The following NRXN3 variants were observed in gnomAD, a reference collection of about 807,000 sequenced individuals.
NRXN3 encodes the protein neurexin 3, also known as neurexin III.
Under a neutral mutation model 137.6 loss-of-function variants are expected in NRXN3, and 32 were observed. The ratio of observed to expected loss-of-function variants is 0.23; its 90% CI spans 0.18 to 0.31. The LOEUF (loss-of-function observed/expected upper bound fraction) is 0.31. Among genes scored for constraint, NRXN3 ranks in the 10% least tolerant of loss-of-function variants. The probability of loss-of-function intolerance (pLI) is 1.00; values close to 1 mark genes in which losing one functional copy is unlikely to be tolerated. For synonymous variants in NRXN3, 798 were observed against 784.5 expected (o/e 1.02, Z -0.29); for missense variants, 1,574 against 2,062.5 (o/e 0.76, Z 4.59).
At chr14:78,599,816 G>GA (rs1288697838) in intron 4 of NRXN3, among the ~76,000 whole-genome samples, 1 of 152,106 alleles carries the variant, frequency 6.6e-6, no homozygotes, top group Non-Finnish European at 1.5e-5. Flanking sequence ...AATGGATAGG[G>GA]AAAAAAAGAA....
chr14:78,183,455 A>G (rs930785586), intron 1 of NRXN3, among the ~76,000 whole-genome samples: 2 of 152,160 alleles, frequency 1.3e-5, no homozygotes, highest in Admixed American at 1.3e-4. Flanking sequence ...AAGTACAGGG[A>G]CTTAGTTATG....
chr14:79,367,298 A>C lies in NRXN3; in HGVS notation c.3263-99923A>C, dbSNP rs567841709. 2.8e-4 allele frequency among the ~76,000 whole-genome samples: 42 copies of C among 152,276 alleles called. 1 individual carries two copies. The South Asian group carries it at 8.7e-3, about 32-fold the overall frequency. On this transcript the variant is annotated intron_variant, in intron 15 of 20. Coordinates refer to ENST00000335750, the MANE Select transcript of NRXN3 (RefSeq NM_001330195.2). ...ACGCCCTGCCCCCTTAGTCTGACTGACCAAATTTCATGTGTTTACGGATTG... is the reference window on the plus strand; with the variant it reads ...ACGCCCTGCCCCCTTAGTCTGACTGCCCAAATTTCATGTGTTTACGGATTG...
chr14:79,545,951 G>A (rs559992550), intron 16 of NRXN3, among the ~76,000 whole-genome samples: 25 of 152,132 alleles, frequency 1.6e-4, no homozygotes, highest in African/African-American at 5.8e-4. Flanking sequence ...TGAATCATGG[G>A]GGTAGGTATT....
chr14:79,413,815 T>C (rs1023512083), intron 15 of NRXN3, among the ~76,000 whole-genome samples: 1 of 144,146 alleles, frequency 6.9e-6, no homozygotes, highest in Non-Finnish European at 1.5e-5. Context: ...TAATCTTGAA[T>C]TCAAATCATG....
chr14:78,256,447 A>G (rs1474045887), intron 2 of NRXN3, among the ~76,000 whole-genome samples: 1 of 152,212 alleles, frequency 6.6e-6, no homozygotes, highest in Non-Finnish European at 1.5e-5. Context: ...TGCCTTCGTG[A>G]AGCTATCAGG....
chr14:78,438,641 G>T (rs949139973), intron 4 of NRXN3, among the ~76,000 whole-genome samples: 1 of 152,274 alleles, frequency 6.6e-6, no homozygotes, highest in East Asian at 1.9e-4. Context: ...TAAGCCTACT[G>T]GGTCTGACCC....
chr14:79,591,045 C>T (rs1020837583), intron 16 of NRXN3, among the ~76,000 whole-genome samples: 1 of 152,006 alleles, frequency 6.6e-6, no homozygotes, highest in Non-Finnish European at 1.5e-5. Context: ...AGTGGGAGCT[C>T]GTGAAAGACA....
chr14:79,700,958 T>TA (rs1404948954), intron 19 of NRXN3, among the ~76,000 whole-genome samples: 1 of 152,088 alleles, frequency 6.6e-6, no homozygotes, highest in African/African-American at 2.4e-5. Context: ...GTGTGAGTGA[T>TA]AATTCTCAAG....
chr14:78,676,555 C>G (rs917729298), intron 6 of NRXN3, among the ~76,000 whole-genome samples: 5 of 152,134 alleles, frequency 3.3e-5, no homozygotes, highest in African/African-American at 9.7e-5. Flanking sequence ...AAAAAGCCAT[C>G]TCCATAACAT....
At chr14:79,663,726 A>G (rs2153986872) in intron 16 of NRXN3, 52 bp from the exon 17 acceptor site, 2 of 1,539,122 alleles carry the variant, frequency 1.3e-6, no homozygotes, top group African/African-American at 1.4e-5. Context: ...GTTTAAAGGG[A>G]GAGAACTTCG....
At chr14:78,469,468 G>T (rs935411269) in intron 4 of NRXN3, among the ~76,000 whole-genome samples, 3 of 152,118 alleles carry the variant, frequency 2.0e-5, no homozygotes, top group Admixed American at 6.5e-5. Context: ...ATGTTTTCAG[G>T]GTTGCAAGCC....
At chr14:78,448,257 C>T (rs1392462101) in intron 4 of NRXN3, among the ~76,000 whole-genome samples, 1 of 152,214 alleles carries the variant, frequency 6.6e-6, no homozygotes, top group East Asian at 1.9e-4. Flanking sequence ...GGCTACTTAT[C>T]TAGCACAGTG....
At chr14:79,307,425 T>G (rs952029172) in intron 15 of NRXN3, among the ~76,000 whole-genome samples, 1 of 152,172 alleles carries the variant, frequency 6.6e-6, no homozygotes, top group African/African-American at 2.4e-5. Context: ...TGAGGTGTAT[T>G]GGTAATCTAT....
At position 79,275,270 on chromosome 14, in the gene NRXN3, G is replaced by T. The variant is rs568394074; in HGVS notation, c.3263-191951G>T. On this transcript the variant is annotated intron_variant, in intron 15 of 20. Coordinates refer to ENST00000335750, the MANE Select transcript of NRXN3 (RefSeq NM_001330195.2). ...TTTTCTCTCCCTAAATTGCCTTCTG[G>T]AGCCCTTTGTAGAGATAGAAAGTAA... Among the ~76,000 whole-genome samples the T allele has an allele frequency of 2.3e-3, 343 of 151,900 alleles. 3 individuals carry two copies. The highest frequency in any genetic ancestry group is 1.1e-3 in the Non-Finnish European group (74 of 67,998).
chr14:79,483,638 A>T (rs1159101267), intron 16 of NRXN3, among the ~76,000 whole-genome samples: 2 of 151,988 alleles, frequency 1.3e-5, no homozygotes, highest in Admixed American at 1.3e-4. Context: ...AGTCATAGTG[A>T]CTCCCAAGGA....
intron 10 of NRXN3, among the ~76,000 whole-genome samples, chr14:78,816,506 T>C (rs532315625): frequency 9.8e-5 from 15 of 152,302 alleles, no homozygotes; most frequent in Admixed American, 5.9e-4. Context: ...TTATTCCGTC[T>C]AATAGCCACA....
chr14:79,099,376 G>A (rs536411291), intron 15 of NRXN3, among the ~76,000 whole-genome samples: 19 of 152,250 alleles, frequency 1.2e-4, no homozygotes, highest in Non-Finnish European at 2.4e-4. Flanking sequence ...GGGGTGTAGG[G>A]TGGCCATACA....
chr14:78,808,895 A>G (rs2098893605), intron 9 of NRXN3, among the ~76,000 whole-genome samples: 1 of 152,122 alleles, frequency 6.6e-6, no homozygotes, highest in Admixed American at 6.5e-5. Context: ...CTACTGGGTC[A>G]ACCTTAAGCA....
chr14:79,831,488 A>G (rs928721819), intron 20 of NRXN3, among the ~76,000 whole-genome samples: 2 of 152,230 alleles, frequency 1.3e-5, no homozygotes, highest in Non-Finnish European at 2.9e-5. Flanking sequence ...AGAACTCACA[A>G]TGTATCCATA....
Sources: gnomAD v4.1 joint callset for allele counts (sites outside exome capture counted in the v4.1 genomes callset) on GRCh38, gnomAD v4.1.1 for gene constraint, MANE v1.5 for transcripts, NCBI Gene and HGNC (gene_info 2026-07-23, HGNC 2026-07-21) for gene names.